LARGE1: variants seen among roughly 807,000 people sequenced by gnomAD.
LARGE1 encodes the protein LARGE xylosyl- and glucuronyltransferase 1, also known as xylosyl- and glucuronyltransferase LARGE1.
In LARGE1, 43 loss-of-function variants were observed where a neutral mutation model predicts 87.6. That is an observed-to-expected ratio of 0.49 (90% CI 0.38 to 0.63). The LOEUF is 0.63. Among genes scored for constraint, LARGE1 ranks in the 30% least tolerant of loss-of-function variants. LARGE1 has a pLI of 0.00. For missense variants in LARGE1, 802 were observed against 1,000.2 expected, an observed-to-expected ratio of 0.80 and a Z score of 2.67; for synonymous variants, 434 against 394.6, an observed-to-expected ratio of 1.10 and a Z score of -1.18.
intron 1 of LARGE1, among the ~76,000 whole-genome samples, chr22:33,825,634 G>A (rs58634529): frequency 6.6e-6 from 1 of 152,110 alleles, no homozygotes; most frequent in Non-Finnish European, 1.5e-5. Context: ...AACAGCATAC[G>A]GGTAACTGCT....
At chr22:33,827,924 C>CA (rs1426821016) in intron 1 of LARGE1, among the ~76,000 whole-genome samples, 2 of 152,166 alleles carry the variant, frequency 1.3e-5, no homozygotes, top group Non-Finnish European at 2.9e-5. Context: ...ATGCATACTG[C>CA]AGGGCTGAGA....
At chr22:33,608,738 C>T (rs9609847) in intron 4 of LARGE1, among the ~76,000 whole-genome samples, 5 of 152,256 alleles carry the variant, frequency 3.3e-5, no homozygotes, top group Admixed American at 6.5e-5. Context: ...ATCAAGAGTT[C>T]GGAGTTTGGA....
chr22:33,873,322 C>G, intron 1 of LARGE1: 1 of 152,442 alleles, frequency 6.6e-6, no homozygotes, highest in South Asian at 2.1e-4. Flanking sequence ...GAGCAGCGCA[C>G]GACAAAGGCA....
the LARGE1 span, among the ~76,000 whole-genome samples, chr22:33,112,151 A>G: frequency 6.6e-6 from 1 of 152,158 alleles, no homozygotes; most frequent in Non-Finnish European, 1.5e-5. Flanking sequence ...CAGGGGGTCA[A>G]GGCTGGAGCT....
chr22:33,502,049 A>G (rs1216234563), intron 6 of LARGE1, among the ~76,000 whole-genome samples: 1 of 152,060 alleles, frequency 6.6e-6, no homozygotes, highest in Non-Finnish European at 1.5e-5. Flanking sequence ...ACAAAAAATT[A>G]GCCGGGCATG....
the LARGE1 span, among the ~76,000 whole-genome samples, chr22:33,067,288 TGAAA>T: frequency 6.6e-6 from 1 of 152,028 alleles, no homozygotes; most frequent in Non-Finnish European, 1.5e-5. Flanking sequence ...AAATAGTCAT[TGAAA>T]GAATACATTC....
intron 1 of LARGE1, among the ~76,000 whole-genome samples, chr22:33,849,651 T>G (rs976534335): frequency 2.2e-5 from 3 of 137,046 alleles, no homozygotes; most frequent in Admixed American, 8.3e-5. Flanking sequence ...CAGGCTGGAG[T>G]GCAGTGGTGC....
intron 4 of LARGE1, among the ~76,000 whole-genome samples, chr22:33,610,582 T>C (rs1049276402): frequency 2.6e-5 from 4 of 152,042 alleles, no homozygotes; most frequent in Non-Finnish European, 5.9e-5. Context: ...GGTGTAAAAA[T>C]TTGGAAATTT....
chr22:33,546,979 G>T (rs62225344), intron 6 of LARGE1, among the ~76,000 whole-genome samples: 9,523 of 152,302 alleles, frequency 0.063, 434 homozygotes, highest in Non-Finnish European at 0.096. Context: ...TAATAGTGGA[G>T]ATGGTTGTAA....
the LARGE1 span, among the ~76,000 whole-genome samples, chr22:33,067,331 G>A: frequency 1.3e-5 from 2 of 151,966 alleles, no homozygotes; most frequent in African/African-American, 2.4e-5. Context: ...AAGAAGAAAC[G>A]AGATAATGGC....
intron 12 of LARGE1, among the ~76,000 whole-genome samples, chr22:33,300,652 C>A (rs2146109393): frequency 6.6e-6 from 1 of 152,282 alleles, no homozygotes; most frequent in East Asian, 1.9e-4. Context: ...AGCGATTCCC[C>A]TGCCTCAGCC....
intron 1 of LARGE1, among the ~76,000 whole-genome samples, chr22:33,896,404 T>C (rs2065146779): frequency 1.3e-5 from 2 of 152,208 alleles, no homozygotes; most frequent in African/African-American, 4.8e-5. Context: ...AGTATGCAAA[T>C]ATCTCTTTAG....
At chr22:33,795,448 AAG>A in intron 1 of LARGE1, among the ~76,000 whole-genome samples, 1 of 152,244 alleles carries the variant, frequency 6.6e-6, no homozygotes, top group East Asian at 1.9e-4. Context: ...GAGAGAGACA[AAG>A]AGAGAAACAC....
chr22:33,650,782 T>C (rs988854825), intron 2 of LARGE1, 114 bp from the exon 3 acceptor site: 1 of 1,197,122 alleles, frequency 8.4e-7, no homozygotes, highest in Non-Finnish European at 1.2e-6. Flanking sequence ...AATCCCATGT[T>C]TAAGGAAAAC....
chr22:33,642,566 C>T (rs1180110028), intron 3 of LARGE1, among the ~76,000 whole-genome samples: 4 of 151,860 alleles, frequency 2.6e-5, no homozygotes, highest in East Asian at 1.9e-4. Context: ...GGGCTAAATG[C>T]CTCAGTTAAA....
At chr22:33,089,321 T>TTCTTCTTCTTCTTCTTC in the LARGE1 span, among the ~76,000 whole-genome samples, 2 of 87,094 alleles carry the variant, frequency 2.3e-5, no homozygotes, top group South Asian at 4.5e-4. Context: ...TTCTTTCTTC[T>TTCTTCTTCTTCTTCTTC]TTCTTCTTCT....
Position 33,772,289 on chromosome 22 carries a change from C to T in LARGE1, c.-82-10731G>A, listed in dbSNP as rs376421091. Among the ~76,000 whole-genome samples the T allele has an allele frequency of 1.0e-3, 158 of 152,114 alleles. 2 individuals are homozygous for T. In the South Asian group the frequency reaches 0.027, roughly 26 times the overall value. ...CAGAGCCTGTAGTGAGCCGAGATCA[C>T]GCCACTACACTCCAGCCTGGGCAAC... On this transcript the variant is annotated intron_variant, in intron 1 of 14. Transcript: ENST00000397394.
intron 4 of LARGE1, among the ~76,000 whole-genome samples, chr22:33,615,671 CAA>C (rs3072281): frequency 0.45 from 60,768 of 134,684 alleles, 12,701 homozygotes; most frequent in East Asian, 0.55. Context: ...TAAGGAAAAA[CAA>C]AAAAAAAAAA....
chr22:33,692,998 A>T (rs2082138704), intron 2 of LARGE1, among the ~76,000 whole-genome samples: 1 of 152,124 alleles, frequency 6.6e-6, no homozygotes, highest in African/African-American at 2.4e-5. Flanking sequence ...GACCAACCTA[A>T]ATGTCCATCA....
Sources: allele counts gnomAD v4.1 joint callset (sites outside exome capture counted in the v4.1 genomes callset), GRCh38; gene constraint gnomAD v4.1.1; transcripts MANE v1.5; gene names NCBI Gene and HGNC (gene_info 2026-07-23, HGNC 2026-07-21).